Variants in RAB3C observed in about 807,000 individuals in gnomAD.
RAB3C encodes the protein ras-related protein Rab-3C.
In RAB3C, 17 loss-of-function variants were observed where a neutral mutation model predicts 26.4. The ratio of observed to expected loss-of-function variants is 0.64; its 90% CI spans 0.44 to 0.97. RAB3C has a LOEUF of 0.97. RAB3C is among the 50% of genes least tolerant of loss of function. The probability of loss-of-function intolerance (pLI) is 0.00; values close to 1 mark genes in which losing one functional copy is unlikely to be tolerated. For missense variants in RAB3C, 242 were observed against 281.9 expected, an observed-to-expected ratio of 0.86 and a Z score of 1.01; for synonymous variants, 91 against 95.9, an observed-to-expected ratio of 0.95 and a Z score of 0.30.
chr5:58,602,348 A>G (rs932348937), intron 1 of RAB3C, among the ~76,000 whole-genome samples: 1 of 152,148 alleles, frequency 6.6e-6, no homozygotes, highest in Admixed American at 6.5e-5. Context: ...AATGTTCTAT[A>G]TATATCTGTT....
At chr5:58,836,875 T>C (rs2662390) in intron 4 of RAB3C, among the ~76,000 whole-genome samples, 127,956 of 152,196 alleles carry the variant, frequency 0.84, 54,450 homozygotes, top group Middle Eastern at 0.93. Flanking sequence ...ATACTGATTT[T>C]CTTTTATTTG....
chr5:58,699,882 G>T (rs975807689), intron 2 of RAB3C, among the ~76,000 whole-genome samples: 1 of 152,204 alleles, frequency 6.6e-6, no homozygotes, highest in African/African-American at 2.4e-5. Context: ...TGCTTCCCTT[G>T]GCTAGGAAAG....
chr5:58,609,948 A>G (rs1746660540), intron 1 of RAB3C, among the ~76,000 whole-genome samples: 1 of 152,072 alleles, frequency 6.6e-6, no homozygotes, highest in Non-Finnish European at 1.5e-5. Flanking sequence ...GCAAGAGCAA[A>G]CAGTAGCAGA....
intron 3 of RAB3C, among the ~76,000 whole-genome samples, chr5:58,730,738 C>G (rs1304196600): frequency 6.6e-6 from 1 of 152,080 alleles, no homozygotes; most frequent in African/African-American, 2.4e-5. Flanking sequence ...TTAAAGTTCC[C>G]TTTTCAAAAA....
At chr5:58,596,938 T>C (rs1249953572) in intron 1 of RAB3C, among the ~76,000 whole-genome samples, 2 of 94,442 alleles carry the variant, frequency 2.1e-5, no homozygotes, top group Admixed American at 1.9e-4. Flanking sequence ...TATATATAAA[T>C]ATATAATAAT....
At chr5:58,828,367 G>A (rs146696185) in intron 4 of RAB3C, among the ~76,000 whole-genome samples, 155 of 152,272 alleles carry the variant, frequency 1.0e-3, no homozygotes, top group Admixed American at 1.6e-3. Context: ...ATGACGTGGT[G>A]CTCTCTGTTC....
chr5:58,858,228 A>G lies in RAB3C; in HGVS notation c.*6877A>G, dbSNP rs1434138042. 2 of 152,168 alleles carry G rather than the reference A, an allele frequency of 1.3e-5. No individual in the cohort carries two copies. Among genetic ancestry groups the G allele is most frequent in the Non-Finnish European group, 2.9e-5 (2 of 68,042 alleles). 9.4% of individuals were successfully genotyped at this position (152,168 alleles called of 1,614,324 possible). ...TATGTGGCCTGAATGTAACTGTGAT[A>G]GACTGAAATTTGTTCTTAGCTCTCA... On this transcript the variant is annotated 3_prime_UTR_variant, in exon 5 of 5. Coordinates refer to ENST00000282878, the MANE Select transcript of RAB3C (RefSeq NM_138453.4).
At chr5:58,639,509 C>T (rs1747366558) in intron 2 of RAB3C, among the ~76,000 whole-genome samples, 1 of 152,148 alleles carries the variant, frequency 6.6e-6, no homozygotes, top group African/African-American at 2.4e-5. Flanking sequence ...TCTGTGTCCT[C>T]ACATGGCAGA....
intron 2 of RAB3C, among the ~76,000 whole-genome samples, chr5:58,640,927 T>A (rs1747401083): frequency 6.6e-6 from 1 of 152,250 alleles, no homozygotes; most frequent in South Asian, 2.1e-4. Flanking sequence ...TGGTATTTTG[T>A]ACTCTTGTTT....
chr5:58,596,456 C>A, intron 1 of RAB3C, among the ~76,000 whole-genome samples: 1 of 143,104 alleles, frequency 7.0e-6, no homozygotes, highest in Non-Finnish European at 1.5e-5. Flanking sequence ...GGATGGTGAT[C>A]GCCACATATG....
intron 3 of RAB3C, among the ~76,000 whole-genome samples, chr5:58,769,079 A>G (rs1050921959): frequency 6.6e-6 from 1 of 151,864 alleles, no homozygotes; most frequent in Non-Finnish European, 1.5e-5. Flanking sequence ...GTTTGATGAC[A>G]GGGGAGACCA....
chr5:58,786,842 C>G (rs1742397828), intron 3 of RAB3C, among the ~76,000 whole-genome samples: 1 of 152,016 alleles, frequency 6.6e-6, no homozygotes, highest in Admixed American at 6.6e-5. Context: ...CCCTCACCCC[C>G]CGCCAGCCCC....
intron 3 of RAB3C, among the ~76,000 whole-genome samples, chr5:58,736,024 C>T (rs906420768): frequency 2.0e-5 from 3 of 152,164 alleles, no homozygotes; most frequent in African/African-American, 7.2e-5. Context: ...TGCATGTACA[C>T]CTAGGCTCTT....
chr5:58,846,010 T>A (rs2548234), intron 4 of RAB3C, among the ~76,000 whole-genome samples: 88,378 of 151,930 alleles, frequency 0.58, 25,953 homozygotes, highest in Middle Eastern at 0.71. Context: ...CTATTTTCAC[T>A]GTTCATCCAT....
intron 1 of RAB3C, among the ~76,000 whole-genome samples, chr5:58,609,217 G>T (rs1746639948): frequency 6.6e-6 from 1 of 152,000 alleles, no homozygotes; most frequent in South Asian, 2.1e-4. Context: ...AACTATAATT[G>T]CATTGCTGGA....
At chr5:58,629,033 A>G (rs1265639807) in intron 2 of RAB3C, among the ~76,000 whole-genome samples, 1 of 136,188 alleles carries the variant, frequency 7.3e-6, no homozygotes, top group Admixed American at 7.0e-5. Context: ...TCTGGAAAAA[A>G]AAAAAAAAAA....
At chr5:58,768,469 G>C (rs965194185) in intron 3 of RAB3C, among the ~76,000 whole-genome samples, 3 of 151,980 alleles carry the variant, frequency 2.0e-5, no homozygotes, top group Non-Finnish European at 4.4e-5. Flanking sequence ...CAAATAAGAA[G>C]GGTACAAACA....
chr5:58,688,974 A>G (rs76744230), intron 2 of RAB3C, among the ~76,000 whole-genome samples: 330 of 152,230 alleles, frequency 2.2e-3, no homozygotes, highest in Non-Finnish European at 3.7e-3. Flanking sequence ...GAAATAGCTG[A>G]CATTTGTTGA....
chr5:58,766,843 A>G (rs1561123893), intron 3 of RAB3C, among the ~76,000 whole-genome samples: 1 of 152,130 alleles, frequency 6.6e-6, no homozygotes, highest in Non-Finnish European at 1.5e-5. Flanking sequence ...AATCTGATAT[A>G]CCAAAGCCAC....
Sources: allele counts gnomAD v4.1 joint callset (sites outside exome capture counted in the v4.1 genomes callset), GRCh38; gene constraint gnomAD v4.1.1; transcripts MANE v1.5; gene names NCBI Gene and HGNC (gene_info 2026-07-23, HGNC 2026-07-21).